The following CDH18 variants were observed in gnomAD, a reference collection of about 807,000 sequenced individuals.
CDH18 encodes cadherin 18.
In CDH18, 31 loss-of-function variants were observed where a neutral mutation model predicts 67.9. The ratio of observed to expected loss-of-function variants is 0.46; its 90% CI spans 0.34 to 0.62. The LOEUF (loss-of-function observed/expected upper bound fraction) is 0.62, where lower values mean the gene tolerates loss of function less well. Ranked by LOEUF, CDH18 falls within the 20% of genes least tolerant of loss-of-function variation. The pLI, the probability that CDH18 is intolerant of heterozygous loss-of-function variation, is 0.01. For synonymous variants in CDH18, 362 were observed against 347.2 expected (o/e 1.04, Z -0.48); for missense variants, 890 against 975.5 (o/e 0.91, Z 1.17).
chr5:19,531,686 C>A (rs1333966344), intron 9 of CDH18, among the ~76,000 whole-genome samples: 1 of 151,964 alleles, frequency 6.6e-6, no homozygotes, highest in Non-Finnish European at 1.5e-5. Context: ...AATCCCAGCA[C>A]TTAGGGAGGC....
intron 2 of CDH18, among the ~76,000 whole-genome samples, chr5:19,936,945 A>G (rs1561590326): frequency 6.6e-6 from 1 of 151,274 alleles, no homozygotes; most frequent in Admixed American, 6.6e-5. Flanking sequence ...GTTTCAAAAA[A>G]TACTTCTTAG....
chr5:20,065,012 A>G (rs947555207), intron 2 of CDH18, among the ~76,000 whole-genome samples: 1 of 151,916 alleles, frequency 6.6e-6, no homozygotes, highest in Admixed American at 6.6e-5. Context: ...ATTTTCCTAA[A>G]CTGTTAAAAT....
At chr5:20,549,944 C>T (rs115120300) in intron 1 of CDH18, among the ~76,000 whole-genome samples, 1 of 152,080 alleles carries the variant, frequency 6.6e-6, no homozygotes, top group Non-Finnish European at 1.5e-5. Flanking sequence ...ATATCAGTGA[C>T]CTTTTTGAGT....
intron 2 of CDH18, among the ~76,000 whole-genome samples, chr5:20,135,344 T>C (rs1194249643): frequency 1.3e-5 from 2 of 152,216 alleles, no homozygotes; most frequent in Admixed American, 6.5e-5. Flanking sequence ...CAGAAATTTA[T>C]CCATTTCTTC....
At chr5:20,022,997 A>G (rs1166617583) in intron 2 of CDH18, among the ~76,000 whole-genome samples, 1 of 152,158 alleles carries the variant, frequency 6.6e-6, no homozygotes. Context: ...CTTTTTCACA[A>G]TCTACCTTAG....
At chr5:20,109,670 CT>C (rs1747284155) in intron 2 of CDH18, among the ~76,000 whole-genome samples, 2 of 152,034 alleles carry the variant, frequency 1.3e-5, no homozygotes, top group Non-Finnish European at 2.9e-5. Context: ...TTTTCCTTTT[CT>C]TGGTGCTTTA....
intron 2 of CDH18, among the ~76,000 whole-genome samples, chr5:20,195,677 A>C (rs1738916761): frequency 6.6e-6 from 1 of 152,088 alleles, no homozygotes; most frequent in South Asian, 2.1e-4. Flanking sequence ...TTTAAGAAAG[A>C]CAAAATATGA....
intron 1 of CDH18, among the ~76,000 whole-genome samples, chr5:20,378,056 C>T (rs938809533): frequency 4.6e-5 from 7 of 152,164 alleles, no homozygotes; most frequent in African/African-American, 1.7e-4. Flanking sequence ...TACATCAGAA[C>T]GTGAGGTGTT....
At chr5:19,800,645 G>C (rs1386773957) in intron 3 of CDH18, among the ~76,000 whole-genome samples, 1 of 152,070 alleles carries the variant, frequency 6.6e-6, no homozygotes, top group East Asian at 1.9e-4. Flanking sequence ...GAGGACAAGG[G>C]AAAAAGAGGT....
At chr5:19,627,604 A>G (rs1304845127) in intron 5 of CDH18, among the ~76,000 whole-genome samples, 1 of 152,218 alleles carries the variant, frequency 6.6e-6, no homozygotes, top group African/African-American at 2.4e-5. Flanking sequence ...ATATTCTATA[A>G]TTGCTTGTAA....
At chr5:20,220,388 C>T (rs957328540) in intron 2 of CDH18, among the ~76,000 whole-genome samples, 2 of 151,844 alleles carry the variant, frequency 1.3e-5, no homozygotes, top group Non-Finnish European at 2.9e-5. Flanking sequence ...AGGATAGTCG[C>T]TTTTATACAT....
intron 1 of CDH18, among the ~76,000 whole-genome samples, chr5:20,391,448 T>C (rs1744852554): frequency 6.6e-6 from 1 of 152,064 alleles, no homozygotes; most frequent in Admixed American, 6.6e-5. Flanking sequence ...TAGCATATCT[T>C]AGACACATTA....
chr5:19,609,294 G>A (rs1264111003), intron 6 of CDH18, among the ~76,000 whole-genome samples: 10 of 151,950 alleles, frequency 6.6e-5, no homozygotes, highest in African/African-American at 2.2e-4. Context: ...GTTTTGCTTT[G>A]TTTTGTTTGA....
chr5:19,964,085 T>C (rs1797189064), intron 2 of CDH18, among the ~76,000 whole-genome samples: 2 of 152,070 alleles, frequency 1.3e-5, no homozygotes, highest in Non-Finnish European at 2.9e-5. Context: ...AGCCAAACCA[T>C]ATCAAAAGAC....
chr5:19,691,818 T>C (rs1224204394), intron 5 of CDH18, among the ~76,000 whole-genome samples: 1 of 151,888 alleles, frequency 6.6e-6, no homozygotes, highest in Non-Finnish European at 1.5e-5. Context: ...CAATCTTGAT[T>C]GAATGCAATT....
intron 9 of CDH18, among the ~76,000 whole-genome samples, chr5:19,521,238 T>C (rs375898959): frequency 7.2e-5 from 11 of 152,184 alleles, no homozygotes; most frequent in African/African-American, 2.7e-4. Flanking sequence ...CATTTTCTTA[T>C]GGCAGAATAT....
intron 1 of CDH18, among the ~76,000 whole-genome samples, chr5:20,284,895 G>T (rs889988054): frequency 8.6e-5 from 13 of 151,736 alleles, no homozygotes; most frequent in African/African-American, 3.1e-4. Context: ...CTCATGGATA[G>T]CACATGGTCT....
Position 19,838,264 on chromosome 5 carries a change from GA to G in CDH18, c.228+494del, listed in dbSNP as rs531796822. 1.4e-3 allele frequency among the ~76,000 whole-genome samples: 216 copies of G among 152,070 alleles called. 2 individuals are homozygous for G. The highest frequency in any genetic ancestry group is 4.7e-3 in the African/African-American group (193 of 41,504). On this transcript the variant is annotated intron_variant, in intron 3 of 12. Coordinates refer to ENST00000382275, the MANE Select transcript of CDH18 (RefSeq NM_004934.5). Reference sequence around the variant, plus strand: ...AAGTACATCTCTAAAAATTAATAGAGAATATTAGATATTTTCTAATATTTAA... The same window carrying G: ...AAGTACATCTCTAAAAATTAATAGAGATATTAGATATTTTCTAATATTTAA...
intron 5 of CDH18, among the ~76,000 whole-genome samples, chr5:19,655,554 A>G (rs1756241541): frequency 6.6e-6 from 1 of 152,074 alleles, no homozygotes. Flanking sequence ...AAATATTTAA[A>G]TCCTGTTGTC....
Sources: gnomAD v4.1 joint callset for allele counts (sites outside exome capture counted in the v4.1 genomes callset) on GRCh38, gnomAD v4.1.1 for gene constraint, MANE v1.5 for transcripts, NCBI Gene and HGNC (gene_info 2026-07-23, HGNC 2026-07-21) for gene names.